SERGEF: variants seen among roughly 807,000 people sequenced by gnomAD.
SERGEF encodes the protein secretion regulating guanine nucleotide exchange factor.
SERGEF carries 51 observed loss-of-function variants against 50.0 expected under a neutral mutation model. The observed-to-expected ratio is 1.02, with a 90% CI of 0.81 to 1.29. SERGEF has a LOEUF of 1.29. Among genes scored for constraint, SERGEF ranks in the 50% most tolerant of loss-of-function variants. The pLI is 0.00. For missense variants in SERGEF, 521 were observed against 557.0 expected (o/e 0.94, Z 0.65); for synonymous variants, 205 against 212.4 (o/e 0.97, Z 0.30).
chr11:17,999,538 C>G, intron 5 of SERGEF: 1 of 455,918 alleles, frequency 2.2e-6, no homozygotes, highest in South Asian at 1.6e-5. Context: ...CACGAAGCAC[C>G]TGAGCCTCAG....
intron 10 of SERGEF, among the ~76,000 whole-genome samples, chr11:17,852,643 AG>A (rs1850734775): frequency 6.6e-6 from 1 of 152,264 alleles, no homozygotes; most frequent in Non-Finnish European, 1.5e-5. Context: ...AATCAGGGTC[AG>A]GGAAGGTAAC....
intron 9 of SERGEF, among the ~76,000 whole-genome samples, chr11:17,879,995 G>T (rs1176101697): frequency 6.6e-6 from 1 of 152,138 alleles, no homozygotes; most frequent in East Asian, 1.9e-4. Context: ...CTTAGCTCAG[G>T]CCCCTGACAG....
chr11:18,003,490 A>C (rs1312724326), intron 4 of SERGEF, among the ~76,000 whole-genome samples: 1 of 152,226 alleles, frequency 6.6e-6, no homozygotes, highest in African/African-American at 2.4e-5. Flanking sequence ...AAAAATGCAT[A>C]CCAGAGTTCA....
chr11:17,904,204 CT>C lies in SERGEF; in HGVS notation c.1012-25961del, dbSNP rs1851798439. On this transcript the variant is annotated intron_variant, in intron 9 of 10. Transcript: ENST00000265965. The stretch of plus-strand genomic sequence containing the variant: ...AAGAAACAGAAAAGCATTTCCAAGG[CT>C]GGAAGTAGGAACATTGGCCACAGCC... 2.0e-5 allele frequency among the ~76,000 whole-genome samples: 3 copies of C among 152,328 alleles called. No homozygotes were observed. The South Asian group carries it at 6.2e-4, about 32-fold the overall frequency.
At chr11:17,842,066 A>ACTGGTGCAATTTTTTT (rs1850512652) in intron 10 of SERGEF, among the ~76,000 whole-genome samples, 1 of 151,898 alleles carries the variant, frequency 6.6e-6, no homozygotes, top group African/African-American at 2.4e-5. Flanking sequence ...ATTTTGCATG[A>ACTGGTGCAATTTTTTT]CTGGTGCAAT....
intron 10 of SERGEF, among the ~76,000 whole-genome samples, chr11:17,875,264 C>G (rs915482081): frequency 1.3e-5 from 2 of 152,236 alleles, no homozygotes; most frequent in Admixed American, 6.5e-5. Flanking sequence ...AGGACCAATT[C>G]AAACCAAGTA....
chr11:17,826,575 G>A (rs1196889862), intron 10 of SERGEF, among the ~76,000 whole-genome samples: 2 of 152,178 alleles, frequency 1.3e-5, no homozygotes, highest in African/African-American at 4.8e-5. Context: ...TTTCAGTATG[G>A]GAGAATAAAA....
intron 9 of SERGEF, among the ~76,000 whole-genome samples, chr11:17,910,011 G>T (rs931877406): frequency 1.3e-5 from 2 of 152,146 alleles, no homozygotes; most frequent in Admixed American, 1.3e-4. Context: ...CTATCATTCA[G>T]ACAAGTCAGA....
intron 10 of SERGEF, chr11:17,877,836 C>G (rs1330050233): frequency 5.6e-6 from 1 of 178,056 alleles, no homozygotes; most frequent in South Asian, 1.5e-4. Context: ...AGAGCCAAAC[C>G]AATAGGAAAG....
chr11:17,975,995 G>T (rs560018149), intron 8 of SERGEF, among the ~76,000 whole-genome samples: 1 of 152,292 alleles, frequency 6.6e-6, no homozygotes, highest in South Asian at 2.1e-4. Flanking sequence ...TTGTGAATGA[G>T]TAAAGGATAT....
At chr11:17,997,443 A>G (rs754364574) in intron 5 of SERGEF, among the ~76,000 whole-genome samples, 1 of 152,242 alleles carries the variant, frequency 6.6e-6, no homozygotes, top group Non-Finnish European at 1.5e-5. Context: ...ACAAAATGGT[A>G]CAACCTCTGT....
intron 10 of SERGEF, among the ~76,000 whole-genome samples, chr11:17,797,311 T>C (rs779911591): frequency 1.9e-4 from 29 of 152,232 alleles, no homozygotes; most frequent in Non-Finnish European, 2.2e-4. Context: ...TGTTCTATCA[T>C]GATCCACTCT....
chr11:17,815,910 C>T (rs1364930004), intron 10 of SERGEF, among the ~76,000 whole-genome samples: 1 of 152,194 alleles, frequency 6.6e-6, no homozygotes, highest in Non-Finnish European at 1.5e-5. Flanking sequence ...GACAGTGAGA[C>T]TCCATCTCAA....
chr11:17,973,255 C>G (rs1853290601), intron 8 of SERGEF, among the ~76,000 whole-genome samples: 2 of 152,188 alleles, frequency 1.3e-5, no homozygotes, highest in South Asian at 4.1e-4. Context: ...GCAGACCACC[C>G]TAAGGTCCCA....
chr11:17,895,719 TATA>T (rs1356917522), intron 9 of SERGEF, among the ~76,000 whole-genome samples: 1 of 152,216 alleles, frequency 6.6e-6, no homozygotes, highest in African/African-American at 2.4e-5. Context: ...TTGCAAAGAA[TATA>T]ATAAGGAAAA....
At chr11:17,791,768 T>C (rs1295826819) in intron 10 of SERGEF, among the ~76,000 whole-genome samples, 2 of 152,224 alleles carry the variant, frequency 1.3e-5, no homozygotes, top group Middle Eastern at 3.2e-3. Context: ...ATTAGAGTTG[T>C]TTACAAGGGT....
Position 17,995,796 on chromosome 11 carries a change from C to T in SERGEF, c.622G>A (p.Gly208Ser). 2.5e-6 allele frequency: 4 copies of T among 1,600,844 alleles called. No homozygotes were observed. Among genetic ancestry groups the T allele is most frequent in the Non-Finnish European group, 3.4e-6 (4 of 1,168,138 alleles). ...AGGACTAAAGAAAGAAGCATCTTAC[C>T]TGTCACTCTGCTTGGTTCCTTTGCT... ...FTAKEPSRVT[G>S]LENSKAMCVL... Residue 208 changes from glycine (G) to serine (S), a missense_variant and splice_region_variant, in exon 6 of 11, where the codon GGT becomes AGT. By Grantham distance (56) the Gly-to-Ser change is moderately conservative. Coordinates refer to ENST00000265965, the MANE Select transcript of SERGEF (RefSeq NM_012139.4).
intron 9 of SERGEF, chr11:17,926,819 C>A (rs1266625058): frequency 4.4e-6 from 2 of 456,146 alleles, no homozygotes; most frequent in Non-Finnish European, 8.8e-6. Flanking sequence ...GAATTCATCT[C>A]CACATCTCCC....
At chr11:17,996,760 A>C (rs1853845492) in intron 5 of SERGEF, among the ~76,000 whole-genome samples, 1 of 152,242 alleles carries the variant, frequency 6.6e-6, no homozygotes. Flanking sequence ...CAATGTGAGC[A>C]AAGCACAGTG....
Sources: gnomAD v4.1 joint callset for allele counts (sites outside exome capture counted in the v4.1 genomes callset) on GRCh38, gnomAD v4.1.1 for gene constraint, MANE v1.5 for transcripts, NCBI Gene and HGNC (gene_info 2026-07-23, HGNC 2026-07-21) for gene names.